The following STK32B variants were observed in gnomAD, a reference collection of about 807,000 sequenced individuals.
STK32B encodes the protein serine/threonine-protein kinase 32B.
STK32B carries 43 observed loss-of-function variants against 52.6 expected under a neutral mutation model. The observed-to-expected ratio is 0.82, with a 90% CI of 0.64 to 1.05. The LOEUF (loss-of-function observed/expected upper bound fraction) is 1.05. Ranked by LOEUF, STK32B falls within the 50% of genes least tolerant of loss-of-function variation. The pLI is 0.00. For synonymous variants in STK32B, 238 were observed against 204.3 expected (o/e 1.17, Z -1.41); for missense variants, 621 against 534.6 (o/e 1.16, Z -1.59).
chr4:5,186,551 G>A (rs137864312), intron 3 of STK32B, among the ~76,000 whole-genome samples: 50 of 152,154 alleles, frequency 3.3e-4, no homozygotes, highest in African/African-American at 1.1e-3. Flanking sequence ...GATGGTTATC[G>A]TGCTTTGGTG....
intron 11 of STK32B, among the ~76,000 whole-genome samples, chr4:5,498,173 C>T (rs1720450335): frequency 6.6e-6 from 1 of 152,174 alleles, no homozygotes; most frequent in Non-Finnish European, 1.5e-5. Flanking sequence ...TTCTCACTGC[C>T]TCCTTAAACG....
At chr4:5,324,169 C>A (rs1377254191) in intron 3 of STK32B, among the ~76,000 whole-genome samples, 1 of 152,162 alleles carries the variant, frequency 6.6e-6, no homozygotes, top group Non-Finnish European at 1.5e-5. Context: ...GTCTGGCCAA[C>A]ATGATGAAAC....
intron 4 of STK32B, among the ~76,000 whole-genome samples, chr4:5,345,021 A>G (rs1054770624): frequency 1.6e-4 from 24 of 151,934 alleles, no homozygotes; most frequent in African/African-American, 5.6e-4. Flanking sequence ...AGCCTGGGTG[A>G]CAGTTGAAAA....
intron 3 of STK32B, among the ~76,000 whole-genome samples, chr4:5,285,922 G>A (rs888731753): frequency 2.0e-5 from 3 of 152,094 alleles, no homozygotes; most frequent in Non-Finnish European, 2.9e-5. Context: ...GTTCTTTAAA[G>A]ACATAATTAA....
intron 11 of STK32B, among the ~76,000 whole-genome samples, chr4:5,468,890 A>T (rs1006189210): frequency 1.3e-5 from 2 of 152,106 alleles, no homozygotes; most frequent in African/African-American, 4.8e-5. Context: ...CTCTTCTAAA[A>T]ATACAAAAAG....
At chr4:5,495,814 G>T (rs1052463326) in intron 11 of STK32B, among the ~76,000 whole-genome samples, 3 of 152,190 alleles carry the variant, frequency 2.0e-5, no homozygotes, top group Admixed American at 6.5e-5. Context: ...CTCAGCTGCA[G>T]ATCTGTTGGA....
At chr4:5,220,074 A>T (rs1210634903) in intron 3 of STK32B, among the ~76,000 whole-genome samples, 1 of 152,150 alleles carries the variant, frequency 6.6e-6, no homozygotes, top group Non-Finnish European at 1.5e-5. Flanking sequence ...GTTTGAAAGG[A>T]AAAAAAGACT....
intron 4 of STK32B, among the ~76,000 whole-genome samples, chr4:5,361,034 A>T (rs62297293): frequency 0.023 from 3,510 of 152,288 alleles, 52 homozygotes; most frequent in Non-Finnish European, 0.035. Context: ...TATGATTTTG[A>T]CTATGGGTAC....
At chr4:5,205,931 T>C (rs1171955135) in intron 3 of STK32B, among the ~76,000 whole-genome samples, 1 of 152,180 alleles carries the variant, frequency 6.6e-6, no homozygotes, top group Non-Finnish European at 1.5e-5. Flanking sequence ...GAAGATACTT[T>C]AATTAGTCCA....
chr4:5,143,135 CTGTCT>C lies in STK32B; in HGVS notation c.108+3176_108+3180del, dbSNP rs1560174502. On this transcript the variant is annotated intron_variant, in intron 2 of 11. Coordinates refer to ENST00000282908, the MANE Select transcript of STK32B (RefSeq NM_018401.3). Reference sequence around the variant, plus strand: ...TCTGTCTGTCTGTCTGTCTGTCTATCTGTCTGTCTATCTGTCCATATTCTGTTGGT... The same window carrying C: ...TCTGTCTGTCTGTCTGTCTGTCTATCGTCTATCTGTCCATATTCTGTTGGT... Among the ~76,000 whole-genome samples, 7 of 150,236 alleles carry C rather than the reference CTGTCT, an allele frequency of 4.7e-5. 1 individual carries two copies. In the East Asian group the frequency reaches 5.8e-4, roughly 12 times the overall value.
chr4:5,057,391 AT>A (rs977726375), intron 1 of STK32B, among the ~76,000 whole-genome samples: 77 of 152,182 alleles, frequency 5.1e-4, no homozygotes, highest in African/African-American at 1.8e-3. Flanking sequence ...CTCCCAAGAA[AT>A]TCCCAAAAAG....
the STK32B span, among the ~76,000 whole-genome samples, chr4:5,021,805 T>A: frequency 1.3e-5 from 2 of 151,962 alleles, no homozygotes; most frequent in African/African-American, 2.4e-5. Context: ...AATGAATGAG[T>A]AAGTGGCTGT....
At chr4:5,101,883 T>A (rs1269632559) in intron 1 of STK32B, among the ~76,000 whole-genome samples, 1 of 152,194 alleles carries the variant, frequency 6.6e-6, no homozygotes, top group Non-Finnish European at 1.5e-5. Flanking sequence ...ATCCAGGCCT[T>A]CAAGTAAGAC....
intron 3 of STK32B, among the ~76,000 whole-genome samples, chr4:5,221,278 C>G (rs990596662): frequency 5.9e-5 from 9 of 152,146 alleles, no homozygotes; most frequent in African/African-American, 1.9e-4. Flanking sequence ...ATTCTTCACA[C>G]CAATTTTACA....
At chr4:5,234,824 G>C (rs16836927) in intron 3 of STK32B, among the ~76,000 whole-genome samples, 13,522 of 152,280 alleles carry the variant, frequency 0.089, 874 homozygotes, top group Admixed American at 0.19. Context: ...GGCTGAGTTG[G>C]GTCTCCCAGT....
chr4:5,492,976 G>C lies in STK32B; in HGVS notation c.1107-5969G>C, dbSNP rs181357072. On this transcript the variant is annotated intron_variant, in intron 11 of 11. Coordinates refer to ENST00000282908, the MANE Select transcript of STK32B (RefSeq NM_018401.3). Reference sequence around the variant, plus strand: ...TTTGATGTGCTGCTGGATTCGGTTTGCCAGTATTATTTTATTGAGGATTTT... The same window carrying C: ...TTTGATGTGCTGCTGGATTCGGTTTCCCAGTATTATTTTATTGAGGATTTT... Among the ~76,000 whole-genome samples the C allele has an allele frequency of 6.5e-4, 98 of 151,362 alleles. 6 individuals carry two copies. Among genetic ancestry groups the C allele is most frequent in the African/African-American group, 2.1e-3 (87 of 40,702 alleles).
chr4:5,205,321 C>T (rs940883957), intron 3 of STK32B, among the ~76,000 whole-genome samples: 1 of 152,180 alleles, frequency 6.6e-6, no homozygotes, highest in Non-Finnish European at 1.5e-5. Flanking sequence ...GGAGGCAGTA[C>T]AATCTCCATA....
At chr4:5,413,037 C>T (rs548181840) in intron 5 of STK32B, among the ~76,000 whole-genome samples, 1 of 152,262 alleles carries the variant, frequency 6.6e-6, no homozygotes, top group South Asian at 2.1e-4. Context: ...CTGACATTCC[C>T]CTCTGTCAGC....
At chr4:5,330,588 G>A (rs1216629258) in intron 3 of STK32B, among the ~76,000 whole-genome samples, 2 of 152,134 alleles carry the variant, frequency 1.3e-5, no homozygotes. Flanking sequence ...AATGCTCAAG[G>A]TAGCTCACTC....
Sources: allele counts gnomAD v4.1 joint callset (sites outside exome capture counted in the v4.1 genomes callset), GRCh38; gene constraint gnomAD v4.1.1; transcripts MANE v1.5; gene names NCBI Gene and HGNC (gene_info 2026-07-23, HGNC 2026-07-21).